Variants in TJP1 observed in about 807,000 individuals in gnomAD.
TJP1 encodes tight junction protein 1.
TJP1 carries 43 observed loss-of-function variants against 194.2 expected under a neutral mutation model. That is an observed-to-expected ratio of 0.22 (90% CI 0.17 to 0.29). The LOEUF (loss-of-function observed/expected upper bound fraction) is 0.29, where lower values mean the gene tolerates loss of function less well. TJP1 is among the 10% of genes least tolerant of loss of function. TJP1 has a pLI of 1.00. For missense variants in TJP1, 1,971 were observed against 2,185.7 expected (o/e 0.90, Z 1.96); for synonymous variants, 801 against 779.0 (o/e 1.03, Z -0.47).
intron 2 of TJP1, among the ~76,000 whole-genome samples, chr15:29,785,273 A>T (rs1457735590): frequency 6.6e-6 from 1 of 152,182 alleles, no homozygotes; most frequent in Non-Finnish European, 1.5e-5. Flanking sequence ...TAGACAACTG[A>T]ATTTATGTTA....
intron 1 of TJP1, among the ~76,000 whole-genome samples, chr15:29,812,649 G>A (rs1171343708): frequency 6.6e-6 from 1 of 152,172 alleles, no homozygotes; most frequent in Non-Finnish European, 1.5e-5. Flanking sequence ...GGATGTGAAT[G>A]TATGACTTAT....
intron 2 of TJP1, among the ~76,000 whole-genome samples, chr15:29,890,677 A>G (rs1266671210): frequency 6.6e-6 from 1 of 152,192 alleles, no homozygotes. Context: ...TCAATAAAAA[A>G]TATGTTGAAA....
At chr15:29,782,686 T>C (rs1036647140) in intron 2 of TJP1, among the ~76,000 whole-genome samples, 13 of 151,422 alleles carry the variant, frequency 8.6e-5, no homozygotes, top group African/African-American at 2.9e-4. Context: ...AAAGCAAAAA[T>C]TGACAAATGG....
At chr15:29,716,434 T>C (rs965346885) in intron 23 of TJP1, among the ~76,000 whole-genome samples, 177 bp downstream of exon 23, 1 of 152,218 alleles carries the variant, frequency 6.6e-6, no homozygotes, top group African/African-American at 2.4e-5. Flanking sequence ...GTACATCTAA[T>C]AGCAGACTTT....
At chr15:29,795,957 T>C (rs927642988) in intron 2 of TJP1, among the ~76,000 whole-genome samples, 3 of 152,128 alleles carry the variant, frequency 2.0e-5, no homozygotes, top group Admixed American at 1.3e-4. Flanking sequence ...CTTTCATTCA[T>C]GATTAAAAAC....
intron 3 of TJP1, 77 bp from the exon 4 acceptor site, chr15:29,772,243 G>A (rs763897614): frequency 6.3e-5 from 52 of 820,914 alleles, no homozygotes; most frequent in Non-Finnish European, 1.0e-4. Context: ...TCCAAGATAG[G>A]TACTTCTAAA....
chr15:29,737,997 CAT>C (rs918213269), intron 10 of TJP1, among the ~76,000 whole-genome samples: 10 of 152,168 alleles, frequency 6.6e-5, no homozygotes, highest in African/African-American at 2.4e-4. Flanking sequence ...CAATACAAAT[CAT>C]ATAGTCATTC....
At chr15:29,714,053 CCT>C (rs1348497414) in intron 23 of TJP1, among the ~76,000 whole-genome samples, 2 of 152,108 alleles carry the variant, frequency 1.3e-5, no homozygotes, top group Admixed American at 6.5e-5. Flanking sequence ...TATACCATGC[CCT>C]GTTTTGAGCT....
intron 2 of TJP1, among the ~76,000 whole-genome samples, chr15:29,788,359 C>T (rs1378102297): frequency 6.6e-6 from 1 of 152,164 alleles, no homozygotes; most frequent in Non-Finnish European, 1.5e-5. Context: ...ATACTTTTGA[C>T]ATCATATCCA....
chr15:29,951,595 A>C (rs1475178591), intron 2 of TJP1, among the ~76,000 whole-genome samples: 1 of 152,212 alleles, frequency 6.6e-6, no homozygotes, highest in African/African-American at 2.4e-5. Context: ...AATGTACTCA[A>C]ATGTAACATT....
At chr15:29,894,653 G>A (rs1249411751) in intron 2 of TJP1, among the ~76,000 whole-genome samples, 5 of 152,162 alleles carry the variant, frequency 3.3e-5, no homozygotes, top group East Asian at 1.9e-4. Flanking sequence ...AGCTCTCCCA[G>A]GCTGGAATCG....
At chr15:29,929,612 A>G (rs1718998) in intron 2 of TJP1, among the ~76,000 whole-genome samples, 38,803 of 151,986 alleles carry the variant, frequency 0.26, 5,195 homozygotes, top group East Asian at 0.35. Context: ...CAGAAGAATC[A>G]CTTGAACCAG....
At chr15:29,929,875 G>A (rs1358830543) in intron 2 of TJP1, among the ~76,000 whole-genome samples, 2 of 151,754 alleles carry the variant, frequency 1.3e-5, no homozygotes, top group Non-Finnish European at 2.9e-5. Context: ...CAGGAAAATA[G>A]AGAAGGCATA....
chr15:29,857,276 C>T (rs960597207), intron 2 of TJP1, among the ~76,000 whole-genome samples: 1 of 150,244 alleles, frequency 6.7e-6, no homozygotes, highest in African/African-American at 2.5e-5. Flanking sequence ...AGATGAGAGA[C>T]TTCTTGAATG....
At chr15:29,903,071 T>C (rs1245610213) in intron 2 of TJP1, among the ~76,000 whole-genome samples, 1 of 152,070 alleles carries the variant, frequency 6.6e-6, no homozygotes, top group African/African-American at 2.4e-5. Context: ...AAAATGAGGC[T>C]GTTCCCACAA....
chr15:29,882,375 A>C (rs746762749), intron 2 of TJP1, among the ~76,000 whole-genome samples: 2 of 152,204 alleles, frequency 1.3e-5, no homozygotes, highest in Non-Finnish European at 1.5e-5. Context: ...TCTCATTGCC[A>C]GTATCAACAA....
At chr15:29,736,925 T>C (rs2044071867) in intron 11 of TJP1, among the ~76,000 whole-genome samples, 1 of 152,232 alleles carries the variant, frequency 6.6e-6, no homozygotes, top group Admixed American at 6.5e-5. Flanking sequence ...CCTGCCAGTC[T>C]GAATGTTTAG....
chr15:29,748,640 A>C (rs1202158552), intron 8 of TJP1, among the ~76,000 whole-genome samples: 4 of 133,076 alleles, frequency 3.0e-5, no homozygotes, highest in Non-Finnish European at 6.1e-5. Context: ...TGGCACAATC[A>C]TACTTCACTG....
rs780288934 is a variant in TJP1, at chr15:29,733,118, C to T, written c.1712G>A (p.Arg571Gln). The part of the protein sequence containing the change: ...RIGKNHKEVE[R>Q]GIIPNKNRAE... Reference sequence around the variant, plus strand: ...CCTGTTCTTATTAGGGATGATGCCTCGTTCTACCTCCTTATGATTTTTACC... The same window carrying T: ...CCTGTTCTTATTAGGGATGATGCCTTGTTCTACCTCCTTATGATTTTTACC... The change falls in exon 13 of 28, where the codon CGA becomes CAA. Residue 571 changes from arginine (R) to glutamine (Q), a missense_variant. Physicochemically the swap from Arg to Gln is conservative, Grantham distance 43. Around this residue, in one of 5 missense-constraint regions of TJP1, gnomAD observed 402 missense variants for 484.2 expected, o/e 0.83. Coordinates refer to ENST00000614355, the MANE Select transcript of TJP1 (RefSeq NM_001330239.4). 32 of 1,613,968 alleles carry T rather than the reference C, an allele frequency of 2.0e-5. No individual in the cohort carries two copies. The highest frequency in any genetic ancestry group is 2.4e-5 in the Non-Finnish European group (28 of 1,179,972).
Sources: gnomAD v4.1 joint callset for allele counts (sites outside exome capture counted in the v4.1 genomes callset) on GRCh38, gnomAD v4.1.1 for gene constraint, gnomAD v4.1.1 regional missense constraint, MANE v1.5 for transcripts, NCBI Gene and HGNC (gene_info 2026-07-23, HGNC 2026-07-21) for gene names.